Variants in POLA1 observed in about 807,000 individuals in gnomAD.
POLA1 encodes DNA polymerase alpha 1, catalytic subunit, also known as DNA polymerase alpha catalytic subunit.
In POLA1, 15 loss-of-function variants were observed where a neutral mutation model predicts 124.0. The ratio of observed to expected loss-of-function variants is 0.12; its 90% CI spans 0.08 to 0.19. POLA1 has a LOEUF of 0.19. Among genes scored for constraint, POLA1 ranks in the 10% least tolerant of loss-of-function variants. The pLI is 1.00. For synonymous variants in POLA1, 408 were observed against 389.4 expected, an observed-to-expected ratio of 1.05 and a Z score of -0.56; for missense variants, 886 against 1,103.4, an observed-to-expected ratio of 0.80 and a Z score of 2.79.
rs2045713434 is a variant in POLA1, at chrX:24,801,924, G to GTGT, written c.2965-7974_2965-7973insTGT. Reference sequence around the variant, plus strand: ...ACAGAGCCACTAGGAGAGGTGGGTGGGTGTGTGTGTGTGTGTGTGTGTGTG... The same window carrying GTGT: ...ACAGAGCCACTAGGAGAGGTGGGTGGTGTGTGTGTGTGTGTGTGTGTGTGTGTG... On this transcript the variant is annotated intron_variant, in intron 26 of 36. Coordinates refer to ENST00000379068, the MANE Select transcript of POLA1 (RefSeq NM_001330360.2). 4.3e-3 allele frequency among the ~76,000 whole-genome samples: 322 copies of GTGT among 74,543 alleles called. 3 individuals are homozygous for GTGT. Among genetic ancestry groups the GTGT allele is most frequent in the Admixed American group, 9.1e-3 (55 of 6,047 alleles). The allele number at this position is 74,543 out of a possible 115,157, so 64.7% of individuals were successfully genotyped here.
intron 34 of POLA1, among the ~76,000 whole-genome samples, chrX:24,875,482 G>A (rs1341197896): frequency 8.9e-6 from 1 of 112,028 alleles, no homozygotes; most frequent in Non-Finnish European, 1.9e-5. Flanking sequence ...TTTTCAAAGT[G>A]TAAAGAAGTT....
At chrX:24,695,757 C>T (rs1927947441) in intron 1 of POLA1, among the ~76,000 whole-genome samples, 1 of 112,085 alleles carries the variant, frequency 8.9e-6, no homozygotes, top group Non-Finnish European at 1.9e-5. Flanking sequence ...AGATTACAGG[C>T]ATGAGCCACT....
intron 32 of POLA1, among the ~76,000 whole-genome samples, chrX:24,831,766 A>G (rs2147037525): frequency 8.9e-6 from 1 of 112,731 alleles, no homozygotes; most frequent in Admixed American, 9.3e-5. Context: ...GTAAAATTAA[A>G]AAATGTTATA....
At chrX:24,738,129 C>T (rs1931397421) in intron 19 of POLA1, among the ~76,000 whole-genome samples, 1 of 97,083 alleles carries the variant, frequency 1.0e-5, no homozygotes, top group Non-Finnish European at 2.0e-5. Flanking sequence ...AGGAGAATGG[C>T]GTGAACCCGG....
chrX:24,940,481 T>A (rs747419495), intron 36 of POLA1, among the ~76,000 whole-genome samples: 1 of 111,726 alleles, frequency 9.0e-6, no homozygotes, highest in Non-Finnish European at 1.9e-5. Context: ...AGTGAGTAGA[T>A]CCTTTAAGTA....
At chrX:24,905,443 A>G (rs1161757680) in intron 35 of POLA1, among the ~76,000 whole-genome samples, 1 of 104,484 alleles carries the variant, frequency 9.6e-6, no homozygotes, top group Non-Finnish European at 2.0e-5. Flanking sequence ...GGGGGAGGAG[A>G]CGGAACACGA....
intron 36 of POLA1, among the ~76,000 whole-genome samples, chrX:24,951,268 A>AC (rs1187663711): frequency 1.1e-3 from 96 of 91,101 alleles, no homozygotes; most frequent in Non-Finnish European, 1.6e-3. Flanking sequence ...CCTGGTGATT[A>AC]GGAGTAGGCT....
chrX:24,724,107 T>C (rs1930383847), intron 11 of POLA1, among the ~76,000 whole-genome samples: 2 of 112,792 alleles, frequency 1.8e-5, no homozygotes, highest in Admixed American at 1.9e-4. Flanking sequence ...GACTTGATCA[T>C]CTTTATCGCT....
chrX:24,888,341 A>G (rs1344220216), intron 35 of POLA1, among the ~76,000 whole-genome samples: 1 of 111,785 alleles, frequency 8.9e-6, no homozygotes, highest in Non-Finnish European at 1.9e-5. Flanking sequence ...GAAACTGACT[A>G]ATTCTCATAT....
chrX:24,895,164 A>C (rs2047191746), intron 35 of POLA1, among the ~76,000 whole-genome samples: 1 of 112,182 alleles, frequency 8.9e-6, no homozygotes, highest in South Asian at 3.7e-4. Flanking sequence ...AACCCATTAC[A>C]GGTAGGAATT....
At chrX:24,824,128 GTC>G (rs935097191) in intron 31 of POLA1, among the ~76,000 whole-genome samples, 1 of 111,722 alleles carries the variant, frequency 9.0e-6, no homozygotes, top group Admixed American at 9.5e-5. Context: ...GCACCTGGTT[GTC>G]TCTCTGAAGT....
At chrX:24,850,807 T>C (rs1260763447) in intron 34 of POLA1, among the ~76,000 whole-genome samples, 1 of 112,185 alleles carries the variant, frequency 8.9e-6, no homozygotes, top group Non-Finnish European at 1.9e-5. Context: ...CTTAAGGTGC[T>C]GAGAAAGTGC....
chrX:24,947,725 A>G (rs958831480), intron 36 of POLA1, among the ~76,000 whole-genome samples: 48 of 112,375 alleles, frequency 4.3e-4, no homozygotes, highest in Non-Finnish European at 9.4e-5. Context: ...AGAGACTTTC[A>G]GACTGGTTTT....
intron 4 of POLA1, among the ~76,000 whole-genome samples, chrX:24,713,278 A>G (rs186007795): frequency 6.0e-4 from 65 of 108,784 alleles, no homozygotes; most frequent in East Asian, 2.9e-3. Flanking sequence ...CATTCTTTCA[A>G]TTATTCATTG....
chrX:24,950,856 A>C (rs1214258213), intron 36 of POLA1, among the ~76,000 whole-genome samples: 1 of 112,183 alleles, frequency 8.9e-6, no homozygotes, highest in African/African-American at 3.2e-5. Context: ...CATGTAGGAA[A>C]CTTAACATTC....
chrX:24,791,370 A>T lies in POLA1; in HGVS notation c.2965-18528A>T, dbSNP rs138714823. Among the ~76,000 whole-genome samples the T allele has an allele frequency of 5.4e-5, 6 of 112,118 alleles. No homozygotes were observed. In the East Asian group the frequency reaches 1.4e-3, roughly 26 times the overall value. On this transcript the variant is annotated intron_variant, in intron 26 of 36. Transcript: ENST00000379068. Reference sequence around the variant, plus strand: ...GTTCTGTGAGTACGCTAAACTGTTAAAGCCTTGATTGTTTTTGTTGTTGTT... The same window carrying T: ...GTTCTGTGAGTACGCTAAACTGTTATAGCCTTGATTGTTTTTGTTGTTGTT...
chrX:24,966,800 G>A (rs2048229000), intron 36 of POLA1, among the ~76,000 whole-genome samples: 1 of 112,098 alleles, frequency 8.9e-6, no homozygotes, highest in Admixed American at 9.5e-5. Flanking sequence ...TCCAATCAAG[G>A]ATTCAATATA....
intron 36 of POLA1, among the ~76,000 whole-genome samples, chrX:24,954,869 A>G (rs2048088801): frequency 1.8e-5 from 2 of 111,699 alleles, no homozygotes; most frequent in African/African-American, 6.5e-5. Context: ...GCCCAGGTGA[A>G]GGTTATAACA....
intron 34 of POLA1, among the ~76,000 whole-genome samples, chrX:24,846,505 T>C (rs990279437): frequency 9.0e-6 from 1 of 111,716 alleles, no homozygotes; most frequent in Non-Finnish European, 1.9e-5. Flanking sequence ...AAGTTAAAAT[T>C]GAACTGGTAT....
Sources: allele counts gnomAD v4.1 joint callset (sites outside exome capture counted in the v4.1 genomes callset), GRCh38; gene constraint gnomAD v4.1.1; transcripts MANE v1.5; gene names NCBI Gene and HGNC (gene_info 2026-07-23, HGNC 2026-07-21).